The following GSE1 variants were observed in gnomAD, a reference collection of about 807,000 sequenced individuals.
GSE1 encodes Gse1 coiled-coil protein.
In GSE1, 32 loss-of-function variants were observed where a neutral mutation model predicts 112.6. The ratio of observed to expected loss-of-function variants is 0.28; its 90% CI spans 0.21 to 0.38. The LOEUF (loss-of-function observed/expected upper bound fraction) is 0.38, where lower values mean the gene tolerates loss of function less well. GSE1 is among the 10% of genes least tolerant of loss of function. GSE1 has a pLI of 1.00. For synonymous variants in GSE1, 1,115 were observed against 735.6 expected (o/e 1.52, Z -8.35); for missense variants, 2,348 against 1,699.2 (o/e 1.38, Z -6.71).
chr16:85,310,958 G>A (rs191246048), intron 1 of GSE1, among the ~76,000 whole-genome samples: 82 of 152,342 alleles, frequency 5.4e-4, no homozygotes, highest in Non-Finnish European at 9.8e-4. Flanking sequence ...AGGGCCCCCC[G>A]CCGCTCCGCA....
chr16:85,245,862 C>G (rs184365231), intron 1 of GSE1, among the ~76,000 whole-genome samples: 2 of 152,056 alleles, frequency 1.3e-5, no homozygotes, highest in Admixed American at 6.5e-5. Context: ...ACTGGGAGTT[C>G]TGCCTCCTGC....
At chr16:85,546,543 A>T (rs1162832138) in intron 2 of GSE1, among the ~76,000 whole-genome samples, 1 of 152,234 alleles carries the variant, frequency 6.6e-6, no homozygotes, top group Non-Finnish European at 1.5e-5. Context: ...CTCTGCCCTG[A>T]GCATCATTTG....
intron 1 of GSE1, among the ~76,000 whole-genome samples, chr16:85,239,658 G>A (rs932996170): frequency 3.9e-5 from 6 of 152,200 alleles, no homozygotes; most frequent in Admixed American, 2.6e-4. Context: ...GGGCCCCACG[G>A]CTCCCAGCTC....
chr16:85,198,380 C>A (rs897892915), intron 1 of GSE1, among the ~76,000 whole-genome samples: 4 of 152,226 alleles, frequency 2.6e-5, no homozygotes, highest in African/African-American at 9.6e-5. Flanking sequence ...TTCTAGGCCC[C>A]AGCTGTGGGC....
chr16:85,260,213 T>C (rs1907527428), intron 1 of GSE1, among the ~76,000 whole-genome samples: 1 of 152,104 alleles, frequency 6.6e-6, no homozygotes, highest in Admixed American at 6.5e-5. Context: ...CACCTGACAG[T>C]CTAGTTGCCT....
intron 1 of GSE1, among the ~76,000 whole-genome samples, chr16:85,620,668 C>T (rs1598411040): frequency 1.3e-5 from 2 of 152,286 alleles, no homozygotes; most frequent in African/African-American, 2.4e-5. Flanking sequence ...TGTGGAATGC[C>T]TGGGCTGGCG....
At chr16:85,601,362 C>G (rs998210590) in intron 1 of GSE1, among the ~76,000 whole-genome samples, 8 of 152,016 alleles carry the variant, frequency 5.3e-5, no homozygotes, top group Non-Finnish European at 1.2e-4. Context: ...AGTCAGGGAA[C>G]GTGGGAGCAA....
At chr16:85,578,722 C>T (rs1302594673) in intron 1 of GSE1, among the ~76,000 whole-genome samples, 7 of 151,320 alleles carry the variant, frequency 4.6e-5, no homozygotes, top group Admixed American at 2.0e-4. Context: ...TCTCTGCCTC[C>T]ACTACCCCTC....
At position 85,311,491 on chromosome 16, in the gene GSE1, G is replaced by A. The variant is rs544199039; in HGVS notation, c.2284-45972G>A. On this transcript the variant is annotated intron_variant, in intron 1 of 2. Coordinates refer to the GSE1 transcript ENST00000637419. This position sits in a 1 kb window ranked among gnomAD's most constrained non-coding sequence, Gnocchi z 4.2. ...GCGGAGCCCTCGGCTGCCTCCCACC[G>A]TGGGACATTGGGGAGGGAGGGAGGG... Among the ~76,000 whole-genome samples the A allele has an allele frequency of 2.2e-3, 334 of 152,014 alleles. 1 individual carries two copies. The highest frequency in any genetic ancestry group is 7.7e-3 in the African/African-American group (318 of 41,528).
At chr16:85,412,886 C>G (rs2048611619) in intron 2 of GSE1, among the ~76,000 whole-genome samples, 1 of 152,218 alleles carries the variant, frequency 6.6e-6, no homozygotes, top group Non-Finnish European at 1.5e-5. Flanking sequence ...ACAGGGACAT[C>G]TTTTCAGGGG....
chr16:85,645,498 G>C (rs4384624), intron 2 of GSE1, among the ~76,000 whole-genome samples: 6,667 of 152,232 alleles, frequency 0.044, 512 homozygotes, highest in African/African-American at 0.15. Context: ...CCTCGGGACA[G>C]GGCAGCTGCC....
At chr16:85,402,212 G>A (rs2048130880) in intron 2 of GSE1, among the ~76,000 whole-genome samples, 1 of 152,218 alleles carries the variant, frequency 6.6e-6, no homozygotes, top group Admixed American at 6.5e-5. Context: ...CCTGGCGGGA[G>A]GTGAGATAAG....
chr16:85,189,284 C>A (rs1788952779), intron 1 of GSE1, among the ~76,000 whole-genome samples: 1 of 152,158 alleles, frequency 6.6e-6, no homozygotes, highest in Non-Finnish European at 1.5e-5. Context: ...TATTTGACTT[C>A]ATGTTGTCTT....
At chr16:85,457,652 C>G (rs2049864519) in intron 2 of GSE1, among the ~76,000 whole-genome samples, 1 of 152,138 alleles carries the variant, frequency 6.6e-6, no homozygotes, top group African/African-American at 2.4e-5. Flanking sequence ...AAGCTGCCAG[C>G]CAGGTCCTCA....
chr16:85,366,251 A>G (rs2047183163), intron 2 of GSE1, among the ~76,000 whole-genome samples: 1 of 152,248 alleles, frequency 6.6e-6, no homozygotes, highest in Admixed American at 6.5e-5. Flanking sequence ...GCCAAGCGGC[A>G]GCTGCTCCGG....
rs145306360 is a variant in GSE1, at chr16:85,482,699, C to T, written c.2464+125056C>T. Among the ~76,000 whole-genome samples, 5 of 152,334 alleles carry T rather than the reference C, an allele frequency of 3.3e-5. No homozygotes were observed. The East Asian group carries it at 9.6e-4, about 29-fold the overall frequency. ...GGTGTTCCAAAATACAAAGCTCAGG[C>T]GAGCACAGTGGCTCACCCCTGTAAT... is the stretch of plus-strand genomic sequence containing the variant. On this transcript the variant is annotated intron_variant, in intron 2 of 2. Coordinates refer to the GSE1 transcript ENST00000637419.
At chr16:85,621,448 T>G (rs1181480569) in intron 1 of GSE1, among the ~76,000 whole-genome samples, 1 of 152,218 alleles carries the variant, frequency 6.6e-6, no homozygotes, top group Non-Finnish European at 1.5e-5. Flanking sequence ...CTGGCGTCCT[T>G]TTTTGAATAC....
At chr16:85,418,617 G>C (rs1463361534) in intron 2 of GSE1, among the ~76,000 whole-genome samples, 1 of 152,222 alleles carries the variant, frequency 6.6e-6, no homozygotes. Flanking sequence ...ACTGCTGTCT[G>C]TGGGACGTTG....
chr16:85,660,983 C>T (rs1449130422), intron 8 of GSE1, among the ~76,000 whole-genome samples, 163 bp from the exon 9 acceptor site: 2 of 152,168 alleles, frequency 1.3e-5, no homozygotes, highest in Non-Finnish European at 2.9e-5. Flanking sequence ...AAACAATGAT[C>T]CTTGGGGTGG....
Sources: gnomAD v4.1 joint callset for allele counts (sites outside exome capture counted in the v4.1 genomes callset) on GRCh38, gnomAD v4.1.1 for gene constraint, Gnocchi (gnomAD v3.1) non-coding constraint, MANE v1.5 for transcripts, NCBI Gene and HGNC (gene_info 2026-07-23, HGNC 2026-07-21) for gene names.